Variants in DIS3L2 observed in about 807,000 individuals in gnomAD.
DIS3L2 encodes the protein DIS3 like 3'-5' exoribonuclease 2.
Under a neutral mutation model 97.5 loss-of-function variants are expected in DIS3L2, and 34 were observed. The ratio of observed to expected loss-of-function variants is 0.35; its 90% CI spans 0.27 to 0.46. The LOEUF is 0.46. Ranked by LOEUF, DIS3L2 falls within the 20% of genes least tolerant of loss-of-function variation. DIS3L2 has a pLI of 1.00. For synonymous variants in DIS3L2, 435 were observed against 445.2 expected (o/e 0.98, Z 0.29); for missense variants, 1,038 against 1,146.0 (o/e 0.91, Z 1.36).
At chr2:232,045,029 T>C (rs1296288986) in intron 5 of DIS3L2, among the ~76,000 whole-genome samples, 1 of 151,968 alleles carries the variant, frequency 6.6e-6, no homozygotes, top group Non-Finnish European at 1.5e-5. Context: ...AGTGGAGCAA[T>C]AATAGAGTGG....
intron 5 of DIS3L2, among the ~76,000 whole-genome samples, chr2:232,086,646 T>C (rs1372842947): frequency 1.9e-4 from 8 of 41,572 alleles, no homozygotes; most frequent in Admixed American, 5.2e-4. Flanking sequence ...TATATATATG[T>C]ATATATATAT....
chr2:232,245,933 G>T (rs1212663174), intron 11 of DIS3L2, among the ~76,000 whole-genome samples: 1 of 152,194 alleles, frequency 6.6e-6, no homozygotes, highest in Non-Finnish European at 1.5e-5. Context: ...AATGTTTTAT[G>T]TGATGCAGTA....
At chr2:232,059,947 A>T (rs183476750) in intron 5 of DIS3L2, among the ~76,000 whole-genome samples, 4 of 152,264 alleles carry the variant, frequency 2.6e-5, no homozygotes, top group African/African-American at 9.6e-5. Context: ...CAATGAACAT[A>T]TGAGTGCATG....
At chr2:232,062,218 C>T (rs984124015) in intron 5 of DIS3L2, among the ~76,000 whole-genome samples, 9 of 152,068 alleles carry the variant, frequency 5.9e-5, no homozygotes, top group Non-Finnish European at 8.8e-5. Context: ...CTTGCCTGGT[C>T]TAGTTTTAGG....
At chr2:232,217,771 G>T (rs529901550) in intron 10 of DIS3L2, among the ~76,000 whole-genome samples, 81 of 152,332 alleles carry the variant, frequency 5.3e-4, no homozygotes, top group Non-Finnish European at 1.0e-3. Context: ...CCCCAGGCAT[G>T]CCACCCTCCA....
chr2:232,300,128 C>T lies in DIS3L2; in HGVS notation c.1739+9C>T, dbSNP rs1060504801. 2 of 1,612,916 alleles carry T rather than the reference C, an allele frequency of 1.2e-6. No homozygotes were observed. The highest frequency in any genetic ancestry group is 2.7e-5 in the African/African-American group (2 of 74,912). ...TACCGCGAGAGCAACAAGTAAGCCA[C>T]TCAGTGGGAAAGAGTGTCACTTCAC... On this transcript the variant is annotated intron_variant, in intron 14 of 20. Transcript: ENST00000325385.
At chr2:232,340,977 A>T (rs1408287462), downstream of DIS3L2, 2 of 468,084 alleles carry the variant, frequency 4.3e-6, no homozygotes, top group Non-Finnish European at 8.9e-6. Context: ...GCCTTCCTGG[A>T]GGTGAGAAAG....
chr2:232,116,593 A>G (rs1359104253), intron 6 of DIS3L2, among the ~76,000 whole-genome samples: 2 of 152,154 alleles, frequency 1.3e-5, no homozygotes, highest in Non-Finnish European at 2.9e-5. Context: ...TGACTAATAG[A>G]CTTGGAGTAA....
intron 13 of DIS3L2, among the ~76,000 whole-genome samples, chr2:232,295,380 A>C (rs1575000642): frequency 6.6e-6 from 1 of 152,310 alleles, no homozygotes; most frequent in East Asian, 1.9e-4. Flanking sequence ...CCCCCTGCCC[A>C]ATCCACAGAT....
intron 15 of DIS3L2, 41 bp from the exon 16 acceptor site, chr2:232,330,649 C>A (rs1253689191): frequency 6.2e-7 from 1 of 1,605,346 alleles, no homozygotes; most frequent in Non-Finnish European, 8.5e-7. Flanking sequence ...TCTGCCCGAG[C>A]TGGACCACAC....
intron 5 of DIS3L2, among the ~76,000 whole-genome samples, chr2:232,056,160 C>G (rs1460402887): frequency 1.3e-5 from 2 of 152,062 alleles, no homozygotes; most frequent in Non-Finnish European, 2.9e-5. Context: ...CACCTGAGGT[C>G]AGGAGTTGGA....
chr2:232,228,071 A>G (rs995518288), intron 10 of DIS3L2, among the ~76,000 whole-genome samples: 44 of 152,080 alleles, frequency 2.9e-4, no homozygotes, highest in African/African-American at 8.7e-4. Context: ...GGTTCAAGCG[A>G]TTCTCCTGCC....
intron 11 of DIS3L2, among the ~76,000 whole-genome samples, chr2:232,242,999 G>A (rs1015741044): frequency 6.6e-6 from 1 of 152,224 alleles, no homozygotes; most frequent in Admixed American, 6.5e-5. Flanking sequence ...GGGAAGCAGA[G>A]GAGGTGGACA....
Position 232,164,422 on chromosome 2 carries a change from G to A in DIS3L2, c.1124+790G>A, listed in dbSNP as rs183603030. 8.5e-5 allele frequency among the ~76,000 whole-genome samples: 13 copies of A among 152,290 alleles called. No homozygotes were observed. The East Asian group carries it at 2.5e-3, about 29-fold the overall frequency. ...GCACTCATTTTGGATGCCACATGGA[G>A]ATATTTAGAACCAAGAAACTTTTCA... is the stretch of plus-strand genomic sequence containing the variant. On this transcript the variant is annotated intron_variant, in intron 9 of 20. Transcript: ENST00000325385.
chr2:232,286,210 G>C (rs952888905), intron 13 of DIS3L2, among the ~76,000 whole-genome samples: 3 of 152,174 alleles, frequency 2.0e-5, no homozygotes, highest in African/African-American at 7.2e-5. Flanking sequence ...TCATCTAGTG[G>C]CATAGGGCCT....
chr2:232,170,174 G>T (rs1690944166), intron 9 of DIS3L2, among the ~76,000 whole-genome samples: 1 of 152,140 alleles, frequency 6.6e-6, no homozygotes, highest in Non-Finnish European at 1.5e-5. Context: ...ACTGCTTAAA[G>T]GGGGGTTGCA....
rs374310454 is a variant in DIS3L2, at chr2:232,298,593, C to G, written c.1660-1447C>G. The stretch of plus-strand genomic sequence containing the variant: ...CATCTGGGTCAGTTAGAGGACAAAC[C>G]ATTCCTGTGAGTTCCTTTCCCACTA... On this transcript the variant is annotated intron_variant, in intron 13 of 20. Transcript: ENST00000325385. 2.0e-5 allele frequency among the ~76,000 whole-genome samples: 3 copies of G among 152,210 alleles called. No individual in the cohort carries two copies. In the East Asian group the frequency reaches 5.8e-4, roughly 29 times the overall value.
chr2:232,123,649 GCAGATA>G (rs1697971387), intron 6 of DIS3L2, among the ~76,000 whole-genome samples: 1 of 151,978 alleles, frequency 6.6e-6, no homozygotes, highest in Admixed American at 6.6e-5. Flanking sequence ...AAAACCAAAG[GCAGATA>G]CACCCTCCCA....
At chr2:232,291,427 G>A (rs1329973609) in intron 13 of DIS3L2, among the ~76,000 whole-genome samples, 1 of 152,250 alleles carries the variant, frequency 6.6e-6, no homozygotes, top group African/African-American at 2.4e-5. Context: ...TTTGAACTGT[G>A]CTAGGATTTA....
Sources: gnomAD v4.1 joint callset for allele counts (sites outside exome capture counted in the v4.1 genomes callset) on GRCh38, gnomAD v4.1.1 for gene constraint, MANE v1.5 for transcripts, NCBI Gene and HGNC (gene_info 2026-07-23, HGNC 2026-07-21) for gene names.